The following RPS6KC1 variants were observed in gnomAD, a reference collection of about 807,000 sequenced individuals.
RPS6KC1 encodes the protein ribosomal protein S6 kinase C1, also known as inactive ribosomal protein S6 kinase delta-1.
A neutral mutation model predicts 103.8 loss-of-function variants in RPS6KC1; 54 were observed. The ratio of observed to expected loss-of-function variants is 0.52; its 90% CI spans 0.42 to 0.65. The LOEUF is 0.65. Among genes scored for constraint, RPS6KC1 ranks in the 30% least tolerant of loss-of-function variants. The pLI is 0.00. For synonymous variants in RPS6KC1, 439 were observed against 438.7 expected, an observed-to-expected ratio of 1.00 and a Z score of -0.01; for missense variants, 1,151 against 1,253.8, an observed-to-expected ratio of 0.92 and a Z score of 1.24.
chr1:213,791,796 T>C, the RPS6KC1 span, among the ~76,000 whole-genome samples: 3 of 152,160 alleles, frequency 2.0e-5, no homozygotes, highest in African/African-American at 7.2e-5. Context: ...CAAGAGTAGT[T>C]AGTTATTCTC....
the RPS6KC1 span, among the ~76,000 whole-genome samples, chr1:213,508,930 G>A: frequency 6.6e-6 from 1 of 152,202 alleles, no homozygotes; most frequent in African/African-American, 2.4e-5. Flanking sequence ...TTCATGGATA[G>A]TGGCTTGAGT....
rs954793339 is a variant in RPS6KC1, at chr1:213,146,104, T to A, written c.835+16215T>A. The stretch of plus-strand genomic sequence containing the variant: ...TCATGAATTCATTTTTTTTTTTTTT[T>A]AATATTTAGATCCCACAAATAAGTG... On this transcript the variant is annotated intron_variant, in intron 6 of 14. Coordinates refer to ENST00000366960, the MANE Select transcript of RPS6KC1 (RefSeq NM_012424.6). 3.1e-4 allele frequency among the ~76,000 whole-genome samples: 46 copies of A among 150,656 alleles called. 1 individual carries two copies. Among genetic ancestry groups the A allele is most frequent in the Non-Finnish European group, 5.3e-4 (36 of 67,708 alleles).
the RPS6KC1 span, among the ~76,000 whole-genome samples, chr1:213,704,248 G>A: frequency 1.9e-3 from 294 of 151,302 alleles, 2 homozygotes; most frequent in South Asian, 0.011. Context: ...TTAGCCGGGC[G>A]AGGTGGCGGG....
the RPS6KC1 span, among the ~76,000 whole-genome samples, chr1:213,470,108 A>G: frequency 1.2e-4 from 19 of 152,346 alleles, no homozygotes; most frequent in Non-Finnish European, 2.5e-4. Context: ...TCAGCATTCA[A>G]ATTTCCCTAA....
the RPS6KC1 span, among the ~76,000 whole-genome samples, chr1:213,733,367 G>A: frequency 4.0e-5 from 6 of 151,792 alleles, no homozygotes; most frequent in Non-Finnish European, 8.8e-5. Context: ...TGCCTCCAGA[G>A]TAGGTGGGAC....
the RPS6KC1 span, among the ~76,000 whole-genome samples, chr1:213,452,264 A>G: frequency 2.6e-5 from 4 of 151,888 alleles, no homozygotes; most frequent in African/African-American, 4.8e-5. Context: ...GGCTTTGTCT[A>G]AGATTATTAG....
At chr1:213,574,971 A>G in the RPS6KC1 span, among the ~76,000 whole-genome samples, 6 of 152,092 alleles carry the variant, frequency 3.9e-5, no homozygotes, top group Admixed American at 1.3e-4. Flanking sequence ...AATGAAGGGT[A>G]GAGGTGAAGA....
At chr1:213,343,391 G>GTATA in the RPS6KC1 span, among the ~76,000 whole-genome samples, 12 of 65,884 alleles carry the variant, frequency 1.8e-4, no homozygotes, top group African/African-American at 4.9e-4. Context: ...AGTGTTGTGT[G>GTATA]TATATATATA....
chr1:213,431,647 T>TTGTGTG, the RPS6KC1 span, among the ~76,000 whole-genome samples: 23 of 127,826 alleles, frequency 1.8e-4, no homozygotes, highest in Middle Eastern at 4.1e-3. Flanking sequence ...ATTCCATTGT[T>TTGTGTG]TGTGTGTATG....
At chr1:213,828,671 G>A in the RPS6KC1 span, among the ~76,000 whole-genome samples, 1 of 152,118 alleles carries the variant, frequency 6.6e-6, no homozygotes, top group Admixed American at 6.6e-5. Flanking sequence ...AGATCTTAGA[G>A]AAGTTGTCTG....
At chr1:213,515,710 C>G in the RPS6KC1 span, among the ~76,000 whole-genome samples, 1 of 151,986 alleles carries the variant, frequency 6.6e-6, no homozygotes, top group Non-Finnish European at 1.5e-5. Flanking sequence ...CTTGGCAATG[C>G]GGGCTCTTTT....
the RPS6KC1 span, among the ~76,000 whole-genome samples, chr1:213,543,307 G>A: frequency 4.9e-4 from 75 of 152,264 alleles, no homozygotes; most frequent in Non-Finnish European, 7.8e-4. Flanking sequence ...CCAGCGGCAC[G>A]GAGTCCTTTT....
chr1:213,771,022 G>A, the RPS6KC1 span, among the ~76,000 whole-genome samples: 2 of 152,186 alleles, frequency 1.3e-5, no homozygotes, highest in African/African-American at 4.8e-5. Context: ...TGTCCAGGAT[G>A]TGTATGTCAG....
intron 8 of RPS6KC1, among the ~76,000 whole-genome samples, chr1:213,222,640 C>A (rs1411544316): frequency 6.6e-6 from 1 of 151,920 alleles, no homozygotes; most frequent in Non-Finnish European, 1.5e-5. Flanking sequence ...ATATTAAAGC[C>A]CACCGAGTAC....
At chr1:213,292,179 A>C in the RPS6KC1 span, among the ~76,000 whole-genome samples, 1 of 152,148 alleles carries the variant, frequency 6.6e-6, no homozygotes, top group Non-Finnish European at 1.5e-5. Context: ...GCAGCACACC[A>C]GCATGGCACA....
At chr1:213,139,943 A>G (rs2086818811) in intron 6 of RPS6KC1, among the ~76,000 whole-genome samples, 1 of 151,972 alleles carries the variant, frequency 6.6e-6, no homozygotes, top group Non-Finnish European at 1.5e-5. Context: ...GAGTATGGTA[A>G]TTTTAATAAT....
the RPS6KC1 span, among the ~76,000 whole-genome samples, chr1:213,799,928 T>C: frequency 6.6e-6 from 1 of 152,192 alleles, no homozygotes; most frequent in African/African-American, 2.4e-5. Context: ...TACCAGCATG[T>C]CAGGCCATGG....
At chr1:213,236,660 A>G (rs930775590) in intron 10 of RPS6KC1, among the ~76,000 whole-genome samples, 1 of 152,192 alleles carries the variant, frequency 6.6e-6, no homozygotes, top group Non-Finnish European at 1.5e-5. Context: ...AATATTCATC[A>G]TATGTATGAT....
chr1:213,361,522 C>T, the RPS6KC1 span, among the ~76,000 whole-genome samples: 12 of 152,256 alleles, frequency 7.9e-5, no homozygotes, highest in Non-Finnish European at 1.8e-4. Flanking sequence ...GGCGATGCCT[C>T]GCCCTCCTTT....
Sources: allele counts gnomAD v4.1 joint callset (sites outside exome capture counted in the v4.1 genomes callset), GRCh38; gene constraint gnomAD v4.1.1; transcripts MANE v1.5; gene names NCBI Gene and HGNC (gene_info 2026-07-23, HGNC 2026-07-21).